CWF19L2: variants seen among roughly 807,000 people sequenced by gnomAD.
The protein encoded by CWF19L2 is CWF19 like cell cycle control factor 2, also known as CWF19-like protein 2.
A neutral mutation model predicts 111.7 loss-of-function variants in CWF19L2; 98 were observed. The ratio of observed to expected loss-of-function variants is 0.88; its 90% confidence interval spans 0.75 to 1.04. CWF19L2 has a LOEUF of 1.04. Among genes scored for constraint, CWF19L2 ranks in the 50% least tolerant of loss-of-function variants. The pLI is 0.00. For synonymous variants in CWF19L2, 351 were observed against 342.9 expected (o/e 1.02, Z -0.26); for missense variants, 1,101 against 1,051.4 (o/e 1.05, Z -0.65).
At chr11:107,448,522 A>G (rs191182128) in intron 3 of CWF19L2, among the ~76,000 whole-genome samples, 15 of 152,230 alleles carry the variant, frequency 9.9e-5, no homozygotes, top group Admixed American at 7.8e-4. Flanking sequence ...ACAGAAAAAA[A>G]AAATACTTCG....
rs1467234630 is a variant in CWF19L2 at position 107,381,779 on chromosome 11, T to C, written c.1872+8295A>G. 4.6e-5 allele frequency among the ~76,000 whole-genome samples: 7 copies of C among 152,178 alleles called. No individual in the cohort carries two copies. The East Asian group carries it at 1.3e-3, about 29-fold the overall frequency. Reference sequence around the variant, plus strand: ...TCAAGTGTATATTATTAGAGAAACATGTAATATATATCCTAAAGACTACTT... The same window carrying C: ...TCAAGTGTATATTATTAGAGAAACACGTAATATATATCCTAAAGACTACTT... On this transcript the variant is annotated intron_variant, in intron 12 of 17. Transcript: ENST00000282251.
At chr11:107,410,306 A>T (rs1323229833) in intron 10 of CWF19L2, among the ~76,000 whole-genome samples, 1 of 152,172 alleles carries the variant, frequency 6.6e-6, no homozygotes, top group African/African-American at 2.4e-5. Context: ...TTTGAAAGGT[A>T]ATCAAGGCCC....
chr11:107,418,412 T>A (rs1861258039), intron 8 of CWF19L2, 125 bp from the exon 9 acceptor site: 2 of 658,892 alleles, frequency 3.0e-6, no homozygotes, highest in Admixed American at 2.3e-5. Context: ...AGATCATGAT[T>A]GTAATACATG....
intron 8 of CWF19L2, 107 bp downstream of exon 8, chr11:107,428,692 G>A: frequency 1.1e-6 from 1 of 880,896 alleles, no homozygotes; most frequent in Non-Finnish European, 1.8e-6. Context: ...TCAATTTTAA[G>A]AAATGTGAGA....
At chr11:107,343,602 A>AT (rs145117348) in intron 14 of CWF19L2, among the ~76,000 whole-genome samples, 39,071 of 150,416 alleles carry the variant, frequency 0.26, 5,398 homozygotes, top group Non-Finnish European at 0.32. Flanking sequence ...TTCTATTTTT[A>AT]TTTTTTTTGT....
intron 10 of CWF19L2, among the ~76,000 whole-genome samples, chr11:107,409,390 C>A (rs1383649920): frequency 6.6e-6 from 1 of 152,074 alleles, no homozygotes; most frequent in Admixed American, 6.5e-5. Flanking sequence ...CCTCTACGTA[C>A]ATGCAAAGGG....
chr11:107,435,162 C>T (rs1007222097), intron 6 of CWF19L2, among the ~76,000 whole-genome samples: 3 of 152,090 alleles, frequency 2.0e-5, no homozygotes, highest in Non-Finnish European at 2.9e-5. Flanking sequence ...TCTCCTAATA[C>T]GACTTTTCTT....
intron 5 of CWF19L2, among the ~76,000 whole-genome samples, chr11:107,440,217 A>G (rs1354683519): frequency 6.6e-6 from 1 of 152,196 alleles, no homozygotes; most frequent in African/African-American, 2.4e-5. Context: ...GGGGGTTAGA[A>G]AATGCTTCCT....
rs761379536 is a variant in CWF19L2, at chr11:107,455,788, G to T, written c.106-12C>A. 7.7e-7 allele frequency: 1 copy of T among 1,299,802 alleles called. No homozygotes were observed. Among genetic ancestry groups the T allele is most frequent in the South Asian group, 1.5e-5 (1 of 65,990 alleles). The allele number at this position is 1,299,802 out of a possible 1,614,324, so 80.5% of individuals were successfully genotyped here. On this transcript the variant is annotated splice_polypyrimidine_tract_variant and intron_variant, in intron 1 of 17. Transcript: ENST00000282251. The stretch of plus-strand genomic sequence containing the variant: ...AAATTGGCTTTAGCCTACAACCAAA[G>T]AAAAAAAAAAGACAAACTGGCAATT...
At chr11:107,426,240 A>T (rs1231899840) in intron 8 of CWF19L2, among the ~76,000 whole-genome samples, 1 of 151,930 alleles carries the variant, frequency 6.6e-6, no homozygotes, top group Non-Finnish European at 1.5e-5. Context: ...TAAACAACAC[A>T]TAAAAATATG....
intron 16 of CWF19L2, among the ~76,000 whole-genome samples, chr11:107,334,049 G>C (rs1450606207): frequency 2.6e-5 from 4 of 152,154 alleles, no homozygotes; most frequent in Non-Finnish European, 5.9e-5. Context: ...CAGAAGACTG[G>C]GTTTAGCATG....
intron 7 of CWF19L2, among the ~76,000 whole-genome samples, chr11:107,430,026 A>ATGCATTTAT (rs1379923901): frequency 6.6e-6 from 1 of 152,108 alleles, no homozygotes; most frequent in African/African-American, 2.4e-5. Flanking sequence ...AAAATCTAAT[A>ATGCATTTAT]TGCATTTATT....
chr11:107,429,117 G>A lies in CWF19L2; in HGVS notation c.1115C>T (p.Ser372Phe), dbSNP rs369104991. ...GTGAAATGACAGTTCTTCATCATCA[G>A]AGGGTCTCAAGAATTTAGCTCTCAA... ...GNLRAKFLRP[S>F]DDEELSFHSK... is the part of the protein sequence containing the mutation. The change falls in exon 8 of 18, where the codon TCT (serine) becomes TTT (phenylalanine). Residue 372 changes from serine to phenylalanine, a missense_variant. By Grantham distance (155) the Ser-to-Phe change is radical. Coordinates refer to ENST00000282251, the MANE Select transcript of CWF19L2 (RefSeq NM_152434.3). The A allele has an allele frequency of 2.1e-5, 34 of 1,613,674 alleles. No homozygotes were observed. The South Asian group carries it at 3.6e-4, about 17-fold the overall frequency.
intron 6 of CWF19L2, among the ~76,000 whole-genome samples, chr11:107,435,163 G>A (rs1019582483): frequency 9.9e-5 from 15 of 151,936 alleles, no homozygotes; most frequent in African/African-American, 2.2e-4. Context: ...CTCCTAATAC[G>A]ACTTTTCTTT....
chr11:107,438,415 G>A (rs929766411), intron 6 of CWF19L2, among the ~76,000 whole-genome samples: 4 of 151,956 alleles, frequency 2.6e-5, no homozygotes, highest in African/African-American at 9.7e-5. Flanking sequence ...TAGAAAAGCA[G>A]GAAATTCTGA....
At chr11:107,357,768 T>C (rs552338499) in intron 12 of CWF19L2, among the ~76,000 whole-genome samples, 5 of 152,224 alleles carry the variant, frequency 3.3e-5, no homozygotes, top group Non-Finnish European at 7.3e-5. Flanking sequence ...TTATCAATCA[T>C]ATATACCTCT....
chr11:107,421,050 C>A (rs892149527), intron 8 of CWF19L2, among the ~76,000 whole-genome samples: 2 of 152,074 alleles, frequency 1.3e-5, no homozygotes, highest in Non-Finnish European at 2.9e-5. Context: ...CTAAGCTATA[C>A]AAACAGTCTC....
rs567042559 is a variant in CWF19L2, at chr11:107,403,750, C to T, written c.1618-10855G>A. On this transcript the variant is annotated intron_variant, in intron 10 of 17. Transcript: ENST00000282251. ...CCCTTTCCTCCTGCTTTTTGCCGGTCTGTTCCTCTGCCTGTGCAATCTCAG... is the reference window on the plus strand; with the variant it reads ...CCCTTTCCTCCTGCTTTTTGCCGGTTTGTTCCTCTGCCTGTGCAATCTCAG... 9.1e-5 allele frequency: 81 copies of T among 891,258 alleles called. 1 individual carries two copies. The African/African-American group carries it at 1.0e-3, about 11-fold the overall frequency. 55.2% of individuals were successfully genotyped at this position (891,258 alleles called of 1,614,324 possible). A position where few individuals can be genotyped will look rare whatever the true frequency, so the allele number is the denominator to read the frequency against.
chr11:107,392,990 T>TATGTGGAAACGTTAA, intron 10 of CWF19L2, 95 bp from the exon 11 acceptor site: 2 of 763,128 alleles, frequency 2.6e-6, no homozygotes, highest in African/African-American at 1.9e-5. Context: ...TGATTAACGT[T>TATGTGGAAACGTTAA]TCCACATAAC....
Sources: gnomAD v4.1 joint callset for allele counts (sites outside exome capture counted in the v4.1 genomes callset) on GRCh38, gnomAD v4.1.1 for gene constraint, MANE v1.5 for transcripts, NCBI Gene and HGNC (gene_info 2026-07-23, HGNC 2026-07-21) for gene names.